The following GPR158 variants were observed in gnomAD, a reference collection of about 807,000 sequenced individuals.
GPR158 encodes G protein-coupled receptor 158.
Under a neutral mutation model 78.2 loss-of-function variants are expected in GPR158, and 30 were observed. The observed-to-expected ratio is 0.38, with a 90% CI of 0.29 to 0.52. The LOEUF is 0.52. Ranked by LOEUF, GPR158 falls within the 20% of genes least tolerant of loss-of-function variation. GPR158 has a pLI of 0.83. For synonymous variants in GPR158, 581 were observed against 591.1 expected (o/e 0.98, Z 0.25); for missense variants, 1,463 against 1,523.5 (o/e 0.96, Z 0.66).
At chr10:25,528,720 T>C (rs1230936510) in intron 5 of GPR158, among the ~76,000 whole-genome samples, 1 of 152,208 alleles carries the variant, frequency 6.6e-6, no homozygotes, top group East Asian at 1.9e-4. Flanking sequence ...TCATTGTAAT[T>C]GTAATCAAAA....
At chr10:25,377,959 CA>C in intron 2 of GPR158, among the ~76,000 whole-genome samples, 1 of 152,164 alleles carries the variant, frequency 6.6e-6, no homozygotes, top group Middle Eastern at 3.4e-3. Context: ...TAAACTGTTC[CA>C]AAATAACTGC....
In GPR158 at chr10:25,269,137, C is replaced by T. The variant is rs1426317373; in HGVS notation, c.1008+47980C>T. Among the ~76,000 whole-genome samples the T allele has an allele frequency of 2.6e-5, 4 of 152,042 alleles. No individual in the cohort carries two copies. The East Asian group carries it at 7.7e-4, about 29-fold the overall frequency. ...ACTTCATTCAGTTAAAAAAATGAACCAAAGAATTTCTGACAATAAATCGTA... is the reference window on the plus strand; with the variant it reads ...ACTTCATTCAGTTAAAAAAATGAACTAAAGAATTTCTGACAATAAATCGTA... On this transcript the variant is annotated intron_variant, in intron 2 of 10. Transcript: ENST00000376351.
At chr10:25,212,971 T>TA (rs978122473) in intron 1 of GPR158, among the ~76,000 whole-genome samples, 1 of 152,174 alleles carries the variant, frequency 6.6e-6, no homozygotes, top group African/African-American at 2.4e-5. Context: ...TTTTTAGTTA[T>TA]AATTTTTTTT....
chr10:25,332,981 A>T (rs1483891446), intron 2 of GPR158, among the ~76,000 whole-genome samples: 1 of 152,164 alleles, frequency 6.6e-6, no homozygotes, highest in Non-Finnish European at 1.5e-5. Context: ...GCCTGACATG[A>T]ACTGGCCTGT....
chr10:25,334,123 T>A (rs977076098), intron 2 of GPR158, among the ~76,000 whole-genome samples: 7 of 152,112 alleles, frequency 4.6e-5, no homozygotes, highest in African/African-American at 1.7e-4. Context: ...GAATATTTTA[T>A]GTATAAAAAG....
chr10:25,575,199 G>T (rs1040901855), intron 7 of GPR158, among the ~76,000 whole-genome samples: 4 of 152,156 alleles, frequency 2.6e-5, no homozygotes, highest in Non-Finnish European at 5.9e-5. Flanking sequence ...TATATTGTGA[G>T]TTTATTAAGT....
chr10:25,231,441 A>G (rs1853446639), intron 2 of GPR158, among the ~76,000 whole-genome samples: 2 of 152,172 alleles, frequency 1.3e-5, no homozygotes, highest in Non-Finnish European at 2.9e-5. Flanking sequence ...TCCAGCTAGA[A>G]TGGGGTCATG....
At chr10:25,422,798 C>G (rs191490886) in intron 4 of GPR158, among the ~76,000 whole-genome samples, 7 of 151,638 alleles carry the variant, frequency 4.6e-5, no homozygotes, top group African/African-American at 1.5e-4. Context: ...TTTGGTGCAC[C>G]CATCACCTGA....
chr10:25,360,620 T>G (rs1855622413), intron 2 of GPR158, among the ~76,000 whole-genome samples: 1 of 152,252 alleles, frequency 6.6e-6, no homozygotes, highest in Non-Finnish European at 1.5e-5. Flanking sequence ...ATATCTGTTT[T>G]GGCTGTTTTG....
intron 2 of GPR158, among the ~76,000 whole-genome samples, chr10:25,296,652 A>G (rs534289112): frequency 6.6e-6 from 1 of 151,978 alleles, no homozygotes; most frequent in Non-Finnish European, 1.5e-5. Flanking sequence ...ACTAACATGT[A>G]TTAAGTGTTT....
intron 2 of GPR158, among the ~76,000 whole-genome samples, chr10:25,312,284 T>G (rs1402984555): frequency 6.6e-6 from 1 of 151,974 alleles, no homozygotes; most frequent in Non-Finnish European, 1.5e-5. Context: ...ATCAGAGAAA[T>G]TGTTTCACCG....
chr10:25,566,658 T>C (rs1836933072), intron 6 of GPR158, among the ~76,000 whole-genome samples: 1 of 152,238 alleles, frequency 6.6e-6, no homozygotes, highest in Non-Finnish European at 1.5e-5. Flanking sequence ...TTGTGAATTT[T>C]CTTTCTTGAA....
intron 2 of GPR158, among the ~76,000 whole-genome samples, chr10:25,226,576 C>T (rs1470819921): frequency 2.0e-5 from 3 of 152,190 alleles, no homozygotes; most frequent in Admixed American, 2.0e-4. Context: ...GTAATAGTCT[C>T]ACAGTAAGTG....
chr10:25,302,980 A>G (rs564371), intron 2 of GPR158, among the ~76,000 whole-genome samples: 121,942 of 152,168 alleles, frequency 0.8, 49,921 homozygotes, highest in African/African-American at 0.9. Context: ...CGTCTGGTAG[A>G]TGAATAGAAT....
chr10:25,278,126 A>G (rs531237350), intron 2 of GPR158, among the ~76,000 whole-genome samples: 1 of 152,332 alleles, frequency 6.6e-6, no homozygotes, highest in South Asian at 2.1e-4. Context: ...GTTAATGAAA[A>G]TGACAACAGG....
chr10:25,269,737 A>G (rs1192288108), intron 2 of GPR158, among the ~76,000 whole-genome samples: 1 of 152,190 alleles, frequency 6.6e-6, no homozygotes, highest in Non-Finnish European at 1.5e-5. Context: ...CATTTCATGA[A>G]TGAGAAAACG....
At position 25,599,349 on chromosome 10, in the gene GPR158, C is replaced by G; in HGVS notation, c.*75C>G. On this transcript the variant is annotated 3_prime_UTR_variant, in exon 11 of 11. Coordinates refer to ENST00000376351, the MANE Select transcript of GPR158 (RefSeq NM_020752.3). ...ACAGAAGATATAAGAATCAAATATT[C>G]CCAAGGAGGATTTGTCAATCAAGGA... The G allele has an allele frequency of 8.9e-7, 1 of 1,124,636 alleles. No individual in the cohort carries two copies. The highest frequency in any genetic ancestry group is 1.5e-5 in the South Asian group (1 of 66,162). 69.7% of individuals were successfully genotyped at this position (1,124,636 alleles called of 1,614,324 possible).
In GPR158 at chr10:25,472,967, C is replaced by G. The variant is rs1453941523; in HGVS notation, c.1404+6248C>G. Among the ~76,000 whole-genome samples the G allele has an allele frequency of 2.0e-5, 3 of 152,014 alleles. No homozygotes were observed. In the East Asian group the frequency reaches 5.8e-4, roughly 29 times the overall value. On this transcript the variant is annotated intron_variant, in intron 5 of 10. Coordinates refer to ENST00000376351, the MANE Select transcript of GPR158 (RefSeq NM_020752.3). Reference sequence around the variant, plus strand: ...TTATTTCCTTCTCCTGCCTGATTGCCCTGGCCAGAACTTCCAACACTATGT... The same window carrying G: ...TTATTTCCTTCTCCTGCCTGATTGCGCTGGCCAGAACTTCCAACACTATGT...
chr10:25,244,019 G>A (rs1005653522), intron 2 of GPR158: 2 of 152,048 alleles, frequency 1.3e-5, no homozygotes, highest in African/African-American at 2.4e-5. Flanking sequence ...ATATTTCCAG[G>A]CTTTTAGGGG....
Sources: allele counts gnomAD v4.1 joint callset (sites outside exome capture counted in the v4.1 genomes callset), GRCh38; gene constraint gnomAD v4.1.1; transcripts MANE v1.5; gene names NCBI Gene and HGNC (gene_info 2026-07-23, HGNC 2026-07-21).